MYO3B: variants seen among roughly 807,000 people sequenced by gnomAD.
MYO3B encodes the protein myosin-IIIb.
In MYO3B, 156 loss-of-function variants were observed where a neutral mutation model predicts 174.6. The observed-to-expected ratio is 0.89, with a 90% confidence interval of 0.78 to 1.02. The LOEUF (loss-of-function observed/expected upper bound fraction) is 1.02, where lower values mean the gene tolerates loss of function less well. Among genes scored for constraint, MYO3B ranks in the 50% least tolerant of loss-of-function variants. The pLI is 0.00. For synonymous variants in MYO3B, 563 were observed against 569.1 expected (o/e 0.99, Z 0.15); for missense variants, 1,632 against 1,639.4 (o/e 1.00, Z 0.08).
chr2:170,393,356 T>C (rs533980505), intron 16 of MYO3B, among the ~76,000 whole-genome samples: 2 of 152,164 alleles, frequency 1.3e-5, no homozygotes, highest in African/African-American at 4.8e-5. Flanking sequence ...AGTGCTGGGA[T>C]TACAGGCATA....
chr2:170,559,212 C>A lies in MYO3B; in HGVS notation c.3733+15224C>A, dbSNP rs545265306. ...TTAGGGAGACATAGAGTCAGTAGTA[C>A]CTCTGGATCAGCATTCTGGCACAGG... On this transcript the variant is annotated intron_variant, in intron 32 of 34. Transcript: ENST00000408978. 3.1e-3 allele frequency among the ~76,000 whole-genome samples: 479 copies of A among 152,254 alleles called. 2 individuals are homozygous for A. Among genetic ancestry groups the A allele is most frequent in the African/African-American group, 0.01 (432 of 41,546 alleles).
chr2:170,196,008 T>C (rs6739989), intron 1 of MYO3B, among the ~76,000 whole-genome samples: 5,278 of 152,324 alleles, frequency 0.035, 298 homozygotes, highest in African/African-American at 0.12. Flanking sequence ...CTGAGAGTTG[T>C]TCATTTTTCC....
At chr2:170,641,881 G>T (rs1697995882) in intron 32 of MYO3B, among the ~76,000 whole-genome samples, 1 of 109,986 alleles carries the variant, frequency 9.1e-6, no homozygotes, top group Non-Finnish European at 1.7e-5. Context: ...GGAGGGGCGG[G>T]GAGCCATAAC....
At chr2:170,210,568 G>A (rs908511942) in intron 3 of MYO3B, among the ~76,000 whole-genome samples, 1 of 152,126 alleles carries the variant, frequency 6.6e-6, no homozygotes, top group Non-Finnish European at 1.5e-5. Context: ...TTAAGGGTGT[G>A]GTTAATTCCT....
At chr2:170,430,698 C>A (rs1203440631) in intron 22 of MYO3B, among the ~76,000 whole-genome samples, 2 of 152,132 alleles carry the variant, frequency 1.3e-5, no homozygotes, top group Non-Finnish European at 2.9e-5. Context: ...ATATAAACAT[C>A]TCACCTGAGT....
chr2:170,219,457 A>C (rs1050997404), intron 6 of MYO3B, among the ~76,000 whole-genome samples: 1 of 152,158 alleles, frequency 6.6e-6, no homozygotes, highest in Admixed American at 6.5e-5. Context: ...CAGCCTGTCC[A>C]ACATGGCAAA....
intron 18 of MYO3B, 24 bp downstream of exon 18, chr2:170,401,715 G>T: frequency 6.2e-7 from 1 of 1,605,004 alleles, no homozygotes; most frequent in Non-Finnish European, 8.5e-7. Flanking sequence ...AGAGCAGAGG[G>T]TCTCAGGAGA....
At chr2:170,218,424 T>C (rs1399023093) in intron 6 of MYO3B, among the ~76,000 whole-genome samples, 2 of 152,160 alleles carry the variant, frequency 1.3e-5, no homozygotes, top group Non-Finnish European at 2.9e-5. Context: ...AAATGTATTA[T>C]GAAAAAAAGC....
intron 22 of MYO3B, among the ~76,000 whole-genome samples, chr2:170,428,320 A>G (rs1213864851): frequency 6.6e-6 from 1 of 152,206 alleles, no homozygotes; most frequent in Admixed American, 6.5e-5. Flanking sequence ...TCTGTTGCCT[A>G]CTGAACTGCT....
chr2:170,637,461 C>T (rs1286002355), intron 32 of MYO3B, among the ~76,000 whole-genome samples: 1 of 152,110 alleles, frequency 6.6e-6, no homozygotes, highest in Non-Finnish European at 1.5e-5. Context: ...GTGTGAGCCA[C>T]CACGCCCCAC....
intron 7 of MYO3B, among the ~76,000 whole-genome samples, chr2:170,248,203 T>C (rs1035966267): frequency 6.6e-6 from 1 of 152,142 alleles, no homozygotes; most frequent in Non-Finnish European, 1.5e-5. Flanking sequence ...TATCTCTTTC[T>C]TTCCTCCTTC....
At chr2:170,529,428 C>T (rs1689201309) in intron 30 of MYO3B, among the ~76,000 whole-genome samples, 1 of 151,460 alleles carries the variant, frequency 6.6e-6, no homozygotes, top group Non-Finnish European at 1.5e-5. Context: ...TGTCCTCCTT[C>T]TCTCCCTCCC....
At chr2:170,537,654 C>A (rs563587284) in intron 30 of MYO3B, among the ~76,000 whole-genome samples, 57 of 151,774 alleles carry the variant, frequency 3.8e-4, no homozygotes, top group Non-Finnish European at 3.8e-4. Context: ...CCCATGTTCC[C>A]CAGGCTAATC....
At chr2:170,202,698 G>C (rs894183557) in intron 3 of MYO3B, among the ~76,000 whole-genome samples, 2 of 152,180 alleles carry the variant, frequency 1.3e-5, no homozygotes, top group African/African-American at 2.4e-5. Flanking sequence ...CACACACACA[G>C]AGCTGGATGA....
chr2:170,546,670 G>T (rs1015820192), intron 32 of MYO3B, among the ~76,000 whole-genome samples: 2 of 152,128 alleles, frequency 1.3e-5, no homozygotes, highest in Non-Finnish European at 2.9e-5. Flanking sequence ...TTTCCGTTTC[G>T]CATATATTAT....
intron 1 of MYO3B, among the ~76,000 whole-genome samples, chr2:170,189,167 G>C (rs986368799): frequency 6.6e-6 from 1 of 151,774 alleles, no homozygotes; most frequent in Non-Finnish European, 1.5e-5. Flanking sequence ...TAAATATGCC[G>C]TGTCACTGAG....
chr2:170,528,613 C>T (rs1689147566), intron 30 of MYO3B, among the ~76,000 whole-genome samples: 1 of 152,108 alleles, frequency 6.6e-6, no homozygotes, highest in South Asian at 2.1e-4. Context: ...ACCATGTTGG[C>T]CAGGATGGTC....
intron 25 of MYO3B, among the ~76,000 whole-genome samples, chr2:170,486,592 T>C (rs7571258): frequency 0.091 from 13,854 of 152,242 alleles, 1,715 homozygotes; most frequent in African/African-American, 0.28. Flanking sequence ...TGAGCCACCG[T>C]GCCTGGCTTA....
intron 22 of MYO3B, among the ~76,000 whole-genome samples, chr2:170,417,899 T>G (rs1294387269): frequency 6.6e-6 from 1 of 151,632 alleles, no homozygotes; most frequent in Admixed American, 6.6e-5. Context: ...AACATATGAA[T>G]TTTTTAGGGA....
Sources: gnomAD v4.1 joint callset for allele counts (sites outside exome capture counted in the v4.1 genomes callset) on GRCh38, gnomAD v4.1.1 for gene constraint, MANE v1.5 for transcripts, NCBI Gene and HGNC (gene_info 2026-07-23, HGNC 2026-07-21) for gene names.